Variants in MYRF observed in about 807,000 individuals in gnomAD.
MYRF encodes myelin gene regulatory factor.
A neutral mutation model predicts 126.3 loss-of-function variants in MYRF; 16 were observed. The observed-to-expected ratio is 0.13, with a 90% CI of 0.09 to 0.19. MYRF has a LOEUF of 0.19. MYRF is among the 10% of genes least tolerant of loss of function. MYRF has a pLI of 1.00. For missense variants in MYRF, 1,104 were observed against 1,547.0 expected (o/e 0.71, Z 4.80); for synonymous variants, 608 against 635.3 (o/e 0.96, Z 0.65).
In MYRF at chr11:61,766,125, GCAACAACAACAA is replaced by G; in HGVS notation, c.304_315del (p.Asn102_Asn105del). Reference sequence around the variant, plus strand: ...CCGGGCTACGGCACCCCGCTGAACTGCAACAACAACAACGGCATGGGCGCTGCCCCCAAGCCC... The same window carrying G: ...CCGGGCTACGGCACCCCGCTGAACTGCGGCATGGGCGCTGCCCCCAAGCCC... On this transcript the variant is annotated inframe_deletion, in exon 3 of 27. Coordinates refer to ENST00000278836, the MANE Select transcript of MYRF (RefSeq NM_001127392.3). 6.2e-7 allele frequency: 1 copy of G among 1,610,102 alleles called. No individual in the cohort carries two copies. Among genetic ancestry groups the G allele is most frequent in the African/African-American group, 1.3e-5 (1 of 75,024 alleles).
At chr11:61,772,101 G>A in intron 7 of MYRF, 149 bp downstream of exon 7, 1 of 1,219,970 alleles carries the variant, frequency 8.2e-7, no homozygotes, top group African/African-American at 1.5e-5. Context: ...AGGACTGGCA[G>A]TCAGGGCTCC....
chr11:61,766,488 G>A (rs2066064942), intron 3 of MYRF: 4 of 460,342 alleles, frequency 8.7e-6, no homozygotes, highest in Non-Finnish European at 3.8e-6. Context: ...TCTCGATGCT[G>A]TGTGGAGAGT....
In MYRF at chr11:61,776,657, GC is replaced by G. The variant is rs1565298340; in HGVS notation, c.1500-125del. On this transcript the variant is annotated intron_variant, in intron 10 of 26. Coordinates refer to ENST00000278836, the MANE Select transcript of MYRF (RefSeq NM_001127392.3). This position sits in a 1 kb window ranked among gnomAD's most constrained non-coding sequence, Gnocchi z 4.3. ...TTGCTGTGGGCCCTGGGGAATTTCT[GC>G]CCCCTGGTGGAGGCTCGGGTTCCTC... 1 of 806,186 alleles carries G rather than the reference GC, an allele frequency of 1.2e-6. No homozygotes were observed. 49.9% of individuals were successfully genotyped at this position (806,186 alleles called of 1,614,324 possible).
Position 61,777,182 on chromosome 11 carries a change from C to A in MYRF, c.1591-82C>A. 1 of 1,411,968 alleles carries A rather than the reference C, an allele frequency of 7.1e-7. No individual in the cohort carries two copies. The highest frequency in any genetic ancestry group is 9.8e-7 in the Non-Finnish European group (1 of 1,021,774). 87.5% of individuals were successfully genotyped at this position (1,411,968 alleles called of 1,614,324 possible). On this transcript the variant is annotated intron_variant, in intron 11 of 26. Coordinates refer to ENST00000278836, the MANE Select transcript of MYRF (RefSeq NM_001127392.3). The surrounding 1 kb of genome is among the most constrained non-coding windows in gnomAD (Gnocchi z 8.8). ...ACCCTGGCTGGAAGGGGAGGGGCTG[C>A]TGTGGAGTTTCCCCCTGCTCCCAGG...
intron 14 of MYRF, 24 bp from the exon 15 acceptor site, chr11:61,779,239 C>T (rs1314276475): frequency 1.3e-6 from 2 of 1,531,632 alleles, no homozygotes; most frequent in East Asian, 4.9e-5. Flanking sequence ...TGGCCCATGG[C>T]CCATGGCCCA....
At chr11:61,760,678 C>T (rs867873415) in intron 1 of MYRF, among the ~76,000 whole-genome samples, 1 of 152,100 alleles carries the variant, frequency 6.6e-6, no homozygotes, top group Admixed American at 6.6e-5. Context: ...GGAAACAGGG[C>T]GGTTCACCCT....
rs763028037 is a variant in MYRF, at chr11:61,771,577, G to A, written c.818G>A (p.Gly273Glu). ...ACCCTCAATGCCCAGATGCTGAATG[G>A]AATGATCAAACAGGAGCCTGGGACC... ...PSTLNAQMLN[G>E]MIKQEPGTVT... is the part of the protein sequence containing the mutation. Residue 273 changes from glycine (G) to glutamate (E), a missense_variant, in exon 6 of 27, where the codon GGA (glycine) becomes GAA (glutamate). Around this residue, in one of 10 missense-constraint regions of MYRF, gnomAD observed 368 missense variants for 403.9 expected, o/e 0.91. Transcript: ENST00000278836. 4.0e-5 allele frequency: 64 copies of A among 1,613,870 alleles called. No individual in the cohort carries two copies. Among genetic ancestry groups the A allele is most frequent in the Non-Finnish European group, 4.8e-5 (57 of 1,179,976 alleles).
At chr11:61,763,199 C>T (rs1209330574) in intron 1 of MYRF, among the ~76,000 whole-genome samples, 1 of 152,200 alleles carries the variant, frequency 6.6e-6, no homozygotes, top group African/African-American at 2.4e-5. Flanking sequence ...TCACACTCTC[C>T]CTCGTGGAGT....
chr11:61,759,698 G>T (rs967631903), intron 1 of MYRF, among the ~76,000 whole-genome samples: 2 of 151,976 alleles, frequency 1.3e-5, no homozygotes, highest in African/African-American at 4.8e-5. Context: ...AAAAGAGAGG[G>T]GTCTCTGTAG....
At position 61,770,410 on chromosome 11, in the gene MYRF, G is replaced by C. The variant is rs202092077; in HGVS notation, c.625G>C (p.Ala209Pro). 7.7e-5 allele frequency: 119 copies of C among 1,551,006 alleles called. No individual in the cohort carries two copies. The East Asian group carries it at 2.8e-3, about 36-fold the overall frequency. Residue 209 changes from alanine (A) to proline (P), a missense_variant, in exon 5 of 27, where the codon GCC becomes CCC. Physicochemically the swap from Ala to Pro is conservative, Grantham distance 27. Transcript: ENST00000278836. The stretch of plus-strand genomic sequence containing the variant: ...CCTGCAGCGGGATCTGTACATGAAG[G>C]CCGAGCCCCCGATCCCCCACTACGC... The part of the protein sequence containing the change: ...PVLQRDLYMK[A>P]EPPIPHYAAM...
At chr11:61,775,411 G>A (rs2066349446) in intron 8 of MYRF, among the ~76,000 whole-genome samples, 1 of 152,154 alleles carries the variant, frequency 6.6e-6, no homozygotes, top group Admixed American at 6.5e-5. Context: ...CTCCATGCTG[G>A]TCCCCTCCCC....
chr11:61,785,850 C>T lies in MYRF; in HGVS notation c.3351C>T (p.Thr1117=). ...CCATCCTGTCCTTCCGTGAATTCACCTACCACTTCCGGGTGGCACTGCTGG... is the reference window on the plus strand; with the variant it reads ...CCATCCTGTCCTTCCGTGAATTCACTTACCACTTCCGGGTGGCACTGCTGG... ...PITILSFREF[T]YHFRVALLGQ... is the part of the protein sequence containing the mutation. The change falls in exon 26 of 27, where the codon ACC becomes ACT. Residue 1117 remains threonine, a synonymous_variant. Coordinates refer to ENST00000278836, the MANE Select transcript of MYRF (RefSeq NM_001127392.3). 2 of 1,614,202 alleles carry T rather than the reference C, an allele frequency of 1.2e-6. No individual in the cohort carries two copies. Among genetic ancestry groups the T allele is most frequent in the Non-Finnish European group, 1.7e-6 (2 of 1,180,032 alleles).
At chr11:61,761,795 T>G (rs11230796) in intron 1 of MYRF, among the ~76,000 whole-genome samples, 28,639 of 152,294 alleles carry the variant, frequency 0.19, 3,047 homozygotes, top group Middle Eastern at 0.32. Context: ...AGTTTCCTCA[T>G]CTATAAAATG....
At position 61,771,458 on chromosome 11, in the gene MYRF, G is replaced by A. The variant is rs115021284; in HGVS notation, c.741-42G>A. The A allele has an allele frequency of 7.3e-5, 116 of 1,585,710 alleles. 1 individual carries two copies. Among genetic ancestry groups the A allele is most frequent in the South Asian group, 3.4e-4 (30 of 87,228 alleles). On this transcript the variant is annotated intron_variant, in intron 5 of 26. Transcript: ENST00000278836. Reference sequence around the variant, plus strand: ...GGATACTACCCAGTGGGAGGGGCTCGGGGAGAGCCAGCCCCCACGGCGCAC... The same window carrying A: ...GGATACTACCCAGTGGGAGGGGCTCAGGGAGAGCCAGCCCCCACGGCGCAC...
In MYRF at chr11:61,784,377, G is replaced by T. The variant is rs761234804; in HGVS notation, c.3292G>T (p.Asp1098Tyr). 1 of 1,613,352 alleles carries T rather than the reference G, an allele frequency of 6.2e-7. No individual in the cohort carries two copies. Among genetic ancestry groups the T allele is most frequent in the African/African-American group, 1.3e-5 (1 of 74,926 alleles). ...TCCACAGAGTCTCCACACCCACCAG[G>T]ACACCCAGGTAGGTGGGACTGGGAA... Reference protein sequence around the residue: ...SLPQSLHTHQDTQGTSHRWPI... With the variant: ...SLPQSLHTHQYTQGTSHRWPI... The change falls in exon 25 of 27, where the codon GAC (aspartate) becomes TAC (tyrosine). Residue 1098 changes from aspartate to tyrosine, a missense_variant. Transcript: ENST00000278836.
At chr11:61,773,296 CT>C (rs1412974922) in intron 7 of MYRF, among the ~76,000 whole-genome samples, 1 of 152,162 alleles carries the variant, frequency 6.6e-6, no homozygotes, top group Non-Finnish European at 1.5e-5. Flanking sequence ...CCCAGTTGCT[CT>C]TTTTACTGTC....
Position 61,777,865 on chromosome 11 carries a change from G to C in MYRF, c.1903+20G>C, listed in dbSNP as rs897578788. On this transcript the variant is annotated intron_variant, in intron 13 of 26. Coordinates refer to ENST00000278836, the MANE Select transcript of MYRF (RefSeq NM_001127392.3). The surrounding 1 kb of genome is among the most constrained non-coding windows in gnomAD (Gnocchi z 8.8). ...AGACAGGTAGGGACCGGGCTGGTGC[G>C]GACTGGGGTCCGGAAACCCAGAAAC... The C allele has an allele frequency of 1.3e-6, 2 of 1,545,364 alleles. No homozygotes were observed. Among genetic ancestry groups the C allele is most frequent in the African/African-American group, 1.4e-5 (1 of 72,860 alleles).
intron 1 of MYRF, among the ~76,000 whole-genome samples, chr11:61,763,470 T>C (rs956209986): frequency 6.6e-6 from 1 of 152,232 alleles, no homozygotes; most frequent in Non-Finnish European, 1.5e-5. Context: ...TATGAGCCAC[T>C]GTCAAGTCAC....
chr11:61,777,710 A>C lies in MYRF; in HGVS notation c.1792-24A>C, dbSNP rs749190839. Reference sequence around the variant, plus strand: ...TCCGGGACGGCCGCAGGAGGGGTTCATTCCCGGGCCTGGCTCCCCGCAGGT... The same window carrying C: ...TCCGGGACGGCCGCAGGAGGGGTTCCTTCCCGGGCCTGGCTCCCCGCAGGT... On this transcript the variant is annotated intron_variant, in intron 12 of 26. Coordinates refer to ENST00000278836, the MANE Select transcript of MYRF (RefSeq NM_001127392.3). The surrounding 1 kb of genome is among the most constrained non-coding windows in gnomAD (Gnocchi z 8.8). 2.6e-6 allele frequency: 4 copies of C among 1,546,996 alleles called. No homozygotes were observed. The African/African-American group carries it at 5.5e-5, about 21-fold the overall frequency.
Sources: gnomAD v4.1 joint callset for allele counts (sites outside exome capture counted in the v4.1 genomes callset) on GRCh38, gnomAD v4.1.1 for gene constraint, gnomAD v4.1.1 regional missense constraint, Gnocchi (gnomAD v3.1) non-coding constraint, MANE v1.5 for transcripts, NCBI Gene and HGNC (gene_info 2026-07-23, HGNC 2026-07-21) for gene names.